The following STXBP5L variants were observed in gnomAD, a reference collection of about 807,000 sequenced individuals.
STXBP5L encodes syntaxin binding protein 5L.
In STXBP5L, 65 loss-of-function variants were observed where a neutral mutation model predicts 144.5. The observed-to-expected ratio is 0.45, with a 90% confidence interval of 0.37 to 0.55. The LOEUF (loss-of-function observed/expected upper bound fraction) is 0.55, where lower values mean the gene tolerates loss of function less well. Among genes scored for constraint, STXBP5L ranks in the 20% least tolerant of loss-of-function variants. STXBP5L has a pLI of 0.00. For synonymous variants in STXBP5L, 505 were observed against 469.6 expected (o/e 1.08, Z -0.97); for missense variants, 1,298 against 1,405.5 (o/e 0.92, Z 1.22).
At chr3:121,150,080 A>G (rs2045877047) in intron 7 of STXBP5L, among the ~76,000 whole-genome samples, 1 of 151,970 alleles carries the variant, frequency 6.6e-6, no homozygotes, top group Admixed American at 6.6e-5. Context: ...TTAGTTTTCA[A>G]AATATTTTTG....
At chr3:121,164,843 T>C (rs2046445378) in intron 9 of STXBP5L, among the ~76,000 whole-genome samples, 1 of 152,042 alleles carries the variant, frequency 6.6e-6, no homozygotes, top group South Asian at 2.1e-4. Flanking sequence ...AAAAGTCAAA[T>C]ATACTGAGAG....
At chr3:121,101,905 T>C (rs1012018190) in intron 5 of STXBP5L, among the ~76,000 whole-genome samples, 1 of 151,504 alleles carries the variant, frequency 6.6e-6, no homozygotes, top group Non-Finnish European at 1.5e-5. Context: ...GTCAGTAGCA[T>C]TTCTATCTAC....
chr3:120,955,527 A>G (rs1458353828), intron 3 of STXBP5L, among the ~76,000 whole-genome samples: 3 of 152,054 alleles, frequency 2.0e-5, no homozygotes, highest in Non-Finnish European at 4.4e-5. Flanking sequence ...CTATAGTACT[A>G]TAAATTTCCT....
At chr3:121,305,496 T>C (rs548299428) in intron 19 of STXBP5L, among the ~76,000 whole-genome samples, 2 of 152,212 alleles carry the variant, frequency 1.3e-5, no homozygotes, top group South Asian at 2.1e-4. Context: ...GGAATGCAAG[T>C]TTAAAATTTG....
At position 120,915,645 on chromosome 3, in the gene STXBP5L, T is replaced by G. The variant is rs115184697; in HGVS notation, c.189+5878T>G. ...TAATTCTTTTTAGTATTTGAAAGGC[T>G]AATCTTTTAATGTGCACAATATACT... On this transcript the variant is annotated intron_variant, in intron 2 of 26. Coordinates refer to ENST00000471454, the MANE Select transcript of STXBP5L (RefSeq NM_001308330.2). 3.4e-3 allele frequency among the ~76,000 whole-genome samples: 525 copies of G among 152,256 alleles called. 7 individuals are homozygous for G. The highest frequency in any genetic ancestry group is 0.01 in the Middle Eastern group (3 of 292).
At chr3:121,302,639 G>A in intron 19 of STXBP5L, among the ~76,000 whole-genome samples, 1 of 151,936 alleles carries the variant, frequency 6.6e-6, no homozygotes. Context: ...TGATGTTAGG[G>A]TATCAATTTT....
At chr3:121,023,659 G>T (rs989987492) in intron 3 of STXBP5L, among the ~76,000 whole-genome samples, 19 of 152,128 alleles carry the variant, frequency 1.2e-4, no homozygotes, top group Admixed American at 1.0e-3. Context: ...ATGGTGCTGG[G>T]ATAATTGGCA....
intron 23 of STXBP5L, among the ~76,000 whole-genome samples, chr3:121,410,862 T>G (rs929851030): frequency 6.6e-6 from 1 of 152,138 alleles, no homozygotes; most frequent in Admixed American, 6.6e-5. Flanking sequence ...TGACTTGCTC[T>G]TTCTCTTTTC....
At chr3:121,079,294 C>T (rs2107686866) in intron 5 of STXBP5L, among the ~76,000 whole-genome samples, 1 of 152,364 alleles carries the variant, frequency 6.6e-6, no homozygotes, top group Admixed American at 6.5e-5. Context: ...GGCAGCATTA[C>T]AACATTTCTT....
intron 20 of STXBP5L, among the ~76,000 whole-genome samples, chr3:121,351,722 T>C (rs1231936512): frequency 6.6e-6 from 1 of 152,182 alleles, no homozygotes; most frequent in East Asian, 1.9e-4. Context: ...TTTTGGCTTT[T>C]GTTGCCATTG....
chr3:121,353,845 C>G lies in STXBP5L; in HGVS notation c.2177-24871C>G, dbSNP rs185474063. On this transcript the variant is annotated intron_variant, in intron 20 of 26. Coordinates refer to ENST00000471454, the MANE Select transcript of STXBP5L (RefSeq NM_001308330.2). ...AGTGCTATACATTTCCCTCTACACA[C>G]TGCTTTAAATGTGTCCCAGAGATTC... Among the ~76,000 whole-genome samples, 454 of 152,342 alleles carry G rather than the reference C, an allele frequency of 3.0e-3. 1 individual carries two copies. Among genetic ancestry groups the G allele is most frequent in the Middle Eastern group, 0.014 (4 of 294 alleles).
intron 7 of STXBP5L, among the ~76,000 whole-genome samples, chr3:121,134,561 C>G (rs915976331): frequency 2.0e-5 from 3 of 152,040 alleles, no homozygotes; most frequent in Non-Finnish European, 4.4e-5. Context: ...CCCCCTTCCC[C>G]CACCCCATAA....
chr3:121,347,739 C>T (rs1440751471), intron 20 of STXBP5L, among the ~76,000 whole-genome samples: 1 of 152,084 alleles, frequency 6.6e-6, no homozygotes, highest in African/African-American at 2.4e-5. Flanking sequence ...GGAGTTCACT[C>T]ATGATTTGGC....
chr3:121,012,995 G>A (rs916820661), intron 3 of STXBP5L, among the ~76,000 whole-genome samples: 3 of 148,558 alleles, frequency 2.0e-5, no homozygotes, highest in African/African-American at 7.5e-5. Flanking sequence ...GCCTCCAGCT[G>A]CATCCATGTT....
Position 121,311,921 on chromosome 3 carries a change from C to G in STXBP5L, c.2111-6554C>G, listed in dbSNP as rs1577424636. ...GCCAAAAGAACAAAGCTGGAGGCAT[C>G]AAGCTACCGGACTTCAAACTATACT... On this transcript the variant is annotated intron_variant, in intron 19 of 26. Transcript: ENST00000471454. Among the ~76,000 whole-genome samples, 5 of 152,332 alleles carry G rather than the reference C, an allele frequency of 3.3e-5. 1 individual carries two copies. The South Asian group carries it at 1.0e-3, about 32-fold the overall frequency.
rs551592590 is a variant in STXBP5L at position 120,939,966 on chromosome 3, G to A, written c.190-14974G>A. Among the ~76,000 whole-genome samples the A allele has an allele frequency of 5.9e-5, 9 of 152,004 alleles. No individual in the cohort carries two copies. In the South Asian group the frequency reaches 1.4e-3, roughly 24 times the overall value. ...GTGACAGACCTGAGAACTGAACTAC[G>A]TCTCCTGACTTCTAACAAAATATTT... On this transcript the variant is annotated intron_variant, in intron 2 of 26. Transcript: ENST00000471454.
At chr3:121,307,488 A>G (rs2043377077) in intron 19 of STXBP5L, among the ~76,000 whole-genome samples, 1 of 152,212 alleles carries the variant, frequency 6.6e-6, no homozygotes, top group South Asian at 2.1e-4. Context: ...TTACAAAAAG[A>G]ACCAAATGGA....
At chr3:121,155,823 G>T (rs1338233522) in intron 8 of STXBP5L, among the ~76,000 whole-genome samples, 1 of 151,716 alleles carries the variant, frequency 6.6e-6, no homozygotes, top group Non-Finnish European at 1.5e-5. Flanking sequence ...ACTTACTTTG[G>T]CTTTATTTAG....
intron 9 of STXBP5L, among the ~76,000 whole-genome samples, chr3:121,195,293 C>T (rs906871260): frequency 6.6e-6 from 1 of 151,870 alleles, no homozygotes; most frequent in Non-Finnish European, 1.5e-5. Flanking sequence ...TTTTGTCAAC[C>T]GTTTTGACCT....
Sources: allele counts gnomAD v4.1 joint callset (sites outside exome capture counted in the v4.1 genomes callset), GRCh38; gene constraint gnomAD v4.1.1; transcripts MANE v1.5; gene names NCBI Gene and HGNC (gene_info 2026-07-23, HGNC 2026-07-21).